PNLIP: variants seen among roughly 807,000 people sequenced by gnomAD.
The protein encoded by PNLIP is pancreatic triacylglycerol lipase.
PNLIP carries 49 observed loss-of-function variants against 57.1 expected under a neutral mutation model. That is an observed-to-expected ratio of 0.86 (90% CI 0.68 to 1.09). The LOEUF (loss-of-function observed/expected upper bound fraction) is 1.09. Among genes scored for constraint, PNLIP ranks in the 50% least tolerant of loss-of-function variants. The pLI, the probability that PNLIP is intolerant of heterozygous loss-of-function variation, is 0.00. For synonymous variants in PNLIP, 209 were observed against 200.4 expected, an observed-to-expected ratio of 1.04 and a Z score of -0.36; for missense variants, 503 against 570.2, an observed-to-expected ratio of 0.88 and a Z score of 1.20.
chr10:116,565,193 T>A (rs1847351962), intron 12 of PNLIP, among the ~76,000 whole-genome samples: 1 of 121,228 alleles, frequency 8.2e-6, no homozygotes, highest in African/African-American at 3.2e-5. Flanking sequence ...GAGCTTGCAG[T>A]GAGCCAAGAT....
At chr10:116,550,337 C>T (rs184375184) in intron 4 of PNLIP, among the ~76,000 whole-genome samples, 2,973 of 150,724 alleles carry the variant, frequency 0.02, 43 homozygotes, top group Non-Finnish European at 0.03. Context: ...GGATTACAGG[C>T]GTGACCACCG....
chr10:116,557,307 T>G lies in PNLIP; in HGVS notation c.930+1189T>G, dbSNP rs116478029. ...AAACAGTTCTTTCAAGTGATACTCA[T>G]CACTTGTATAAGAAAAAATGTCTCA... On this transcript the variant is annotated intron_variant, in intron 9 of 12. Transcript: ENST00000369221. 3.7e-3 allele frequency among the ~76,000 whole-genome samples: 560 copies of G among 152,310 alleles called. 4 individuals carry two copies. The highest frequency in any genetic ancestry group is 0.013 in the African/African-American group (532 of 41,566).
At chr10:116,556,164 T>G (rs1451027156) in intron 9 of PNLIP, 46 bp downstream of exon 9, 1 of 1,031,170 alleles carries the variant, frequency 9.7e-7, no homozygotes, top group African/African-American at 1.6e-5. Context: ...TGACTGTCAC[T>G]TCTCATGACT....
chr10:116,549,057 A>G (rs1198783010), intron 4 of PNLIP, among the ~76,000 whole-genome samples: 1 of 152,230 alleles, frequency 6.6e-6, no homozygotes, highest in African/African-American at 2.4e-5. Context: ...AAATTTTCCT[A>G]GTAACTGCTA....
At chr10:116,559,378 G>A in intron 10 of PNLIP, 95 bp downstream of exon 10, 1 of 908,260 alleles carries the variant, frequency 1.1e-6, no homozygotes, top group Non-Finnish European at 1.7e-6. Flanking sequence ...CTATACAAAA[G>A]CTTTAAACAC....
At chr10:116,560,366 T>C (rs752489876) in intron 10 of PNLIP, 50 bp from the exon 11 acceptor site, 6 of 897,622 alleles carry the variant, frequency 6.7e-6, no homozygotes, top group Admixed American at 2.2e-5. Flanking sequence ...AACTTGTTTT[T>C]AGTGTCTTTT....
intron 5 of PNLIP, among the ~76,000 whole-genome samples, chr10:116,551,616 A>G (rs921089095): frequency 2.0e-5 from 3 of 152,222 alleles, no homozygotes; most frequent in African/African-American, 7.2e-5. Context: ...ATTTGGTAAC[A>G]AAAACCACAG....
chr10:116,553,459 G>A (rs773200824), intron 5 of PNLIP, among the ~76,000 whole-genome samples: 22 of 152,072 alleles, frequency 1.4e-4, no homozygotes, highest in Non-Finnish European at 2.5e-4. Flanking sequence ...GATATATTTG[G>A]ATACACAACT....
intron 4 of PNLIP, among the ~76,000 whole-genome samples, chr10:116,550,103 G>GGC (rs1847174883): frequency 8.5e-6 from 1 of 117,944 alleles, no homozygotes; most frequent in Non-Finnish European, 1.6e-5. Flanking sequence ...CTGTCCCCCC[G>GGC]GCTAGAGTGC....
chr10:116,562,640 C>T (rs1847326061), intron 12 of PNLIP, among the ~76,000 whole-genome samples: 1 of 152,178 alleles, frequency 6.6e-6, no homozygotes, highest in Non-Finnish European at 1.5e-5. Context: ...TGAAAAGTCT[C>T]CCTGAATATT....
At chr10:116,551,302 A>G (rs1026732136) in intron 5 of PNLIP, 70 bp downstream of exon 5, 3 of 1,173,276 alleles carry the variant, frequency 2.6e-6, no homozygotes, top group African/African-American at 1.6e-5. Flanking sequence ...AAAAAAAAAA[A>G]AAAAGCCTGT....
chr10:116,550,894 T>C (rs138208647), intron 4 of PNLIP, among the ~76,000 whole-genome samples: 34 of 152,362 alleles, frequency 2.2e-4, no homozygotes, highest in African/African-American at 8.2e-4. Flanking sequence ...GTTCCCACTA[T>C]GGTCAAATTC....
At chr10:116,558,693 C>T (rs191604717) in intron 9 of PNLIP, among the ~76,000 whole-genome samples, 32 of 151,616 alleles carry the variant, frequency 2.1e-4, no homozygotes, top group Admixed American at 9.8e-4. Flanking sequence ...AGTGCAGCCT[C>T]GGCTCACTGC....
chr10:116,559,310 A>G (rs1847289588), intron 10 of PNLIP, 27 bp downstream of exon 10: 5 of 1,504,984 alleles, frequency 3.3e-6, no homozygotes, highest in Non-Finnish European at 3.7e-6. Flanking sequence ...TGTATCTTAT[A>G]TTCTTATTGC....
Position 116,548,364 on chromosome 10 carries a change from T to C in PNLIP, c.206T>C (p.Val69Ala). The C allele has an allele frequency of 6.2e-7, 1 of 1,613,972 alleles. No individual in the cohort carries two copies. Among genetic ancestry groups the C allele is most frequent in the East Asian group, 2.2e-5 (1 of 44,882 alleles). The change falls in exon 4 of 13, where the codon GTT becomes GCT. Residue 69 changes from valine to alanine, a missense_variant. Val to Ala is a moderately conservative substitution (Grantham distance 64). Transcript: ENST00000369221. The part of the protein sequence containing the change: ...TNENPNNFQE[V>A]AADSSSISGS... ...AACACTTTTCTGTCTAAACAGGAAGTTGCCGCAGATTCATCAAGCATCAGT... is the reference window on the plus strand; with the variant it reads ...AACACTTTTCTGTCTAAACAGGAAGCTGCCGCAGATTCATCAAGCATCAGT...
chr10:116,550,971 A>T (rs569028028), intron 4 of PNLIP, 127 bp from the exon 5 acceptor site: 56 of 692,656 alleles, frequency 8.1e-5, no homozygotes, highest in Non-Finnish European at 1.5e-5. Flanking sequence ...AGTTTTGTCA[A>T]TTGCATTAGG....
rs1274241104 is a variant in PNLIP, at chr10:116,560,459, T to C, written c.1104T>C (p.Val368=). 1.5e-5 allele frequency: 24 copies of C among 1,609,502 alleles called. No individual in the cohort carries two copies. The highest frequency in any genetic ancestry group is 1.8e-5 in the Non-Finnish European group (21 of 1,177,420). ...KVSVTLSGKK[V]TGHILVSLFG... is the part of the protein sequence containing the mutation. ...CTGTCACACTGTCTGGAAAAAAGGT[T>C]ACAGGACACATACTAGTTTCTTTGT... Residue 368 remains valine (V), a synonymous_variant, in exon 11 of 13, where the codon GTT becomes GTC. Transcript: ENST00000369221.
intron 11 of PNLIP, 94 bp from the exon 12 acceptor site, chr10:116,561,378 T>C (rs956262520): frequency 2.5e-6 from 2 of 808,462 alleles, no homozygotes; most frequent in East Asian, 2.8e-5. Flanking sequence ...TAAATGTGTA[T>C]GTATATATGT....
At chr10:116,547,656 G>A (rs1401162704) in intron 3 of PNLIP, among the ~76,000 whole-genome samples, 1 of 149,232 alleles carries the variant, frequency 6.7e-6, no homozygotes, top group Non-Finnish European at 1.5e-5. Context: ...AACCCGGGAG[G>A]CAGAGCTTGC....
Sources: gnomAD v4.1 joint callset for allele counts (sites outside exome capture counted in the v4.1 genomes callset) on GRCh38, gnomAD v4.1.1 for gene constraint, MANE v1.5 for transcripts, NCBI Gene and HGNC (gene_info 2026-07-23, HGNC 2026-07-21) for gene names.